Variants in TRIP4 observed in about 807,000 individuals in gnomAD.
The protein encoded by TRIP4 is thyroid hormone receptor interactor 4.
A neutral mutation model predicts 81.8 loss-of-function variants in TRIP4; 54 were observed. The observed-to-expected ratio is 0.66, with a 90% CI of 0.53 to 0.83. The LOEUF is 0.83. TRIP4 is among the 40% of genes least tolerant of loss of function. The pLI is 0.00. For missense variants in TRIP4, 662 were observed against 683.6 expected (o/e 0.97, Z 0.35); for synonymous variants, 270 against 242.8 (o/e 1.11, Z -1.04).
intron 4 of TRIP4, among the ~76,000 whole-genome samples, chr15:64,398,091 C>T (rs1327776004): frequency 3.9e-5 from 6 of 151,964 alleles, no homozygotes; most frequent in Admixed American, 3.3e-4. Flanking sequence ...TTATTAGAGA[C>T]GGGATTTTAC....
At position 64,394,090 on chromosome 15, in the gene TRIP4, T is replaced by C; in HGVS notation, c.246T>C (p.Pro82=). 6.2e-7 allele frequency: 1 copy of C among 1,600,492 alleles called. No homozygotes were observed. Among genetic ancestry groups the C allele is most frequent in the Non-Finnish European group, 8.5e-7 (1 of 1,173,942 alleles). The change falls in exon 2 of 13, where the codon CCT becomes CCC. Residue 82 remains proline, a synonymous_variant. Transcript: ENST00000261884. ...QKNDQELISD[P]LQQCFKKDEI... ...ATGATCAGGAGTTGATTTCGGATCCTTTGCAGCAGTGCTTCAAAAAAGATG... is the reference window on the plus strand; with the variant it reads ...ATGATCAGGAGTTGATTTCGGATCCCTTGCAGCAGTGCTTCAAAAAAGATG...
intron 1 of TRIP4, chr15:64,393,264 C>T (rs943954166): frequency 2.0e-5 from 3 of 151,182 alleles, no homozygotes; most frequent in Non-Finnish European, 4.4e-5. Flanking sequence ...ATTCTCCTGC[C>T]TCAGCCTCCC....
At chr15:64,436,390 A>C (rs1257875106) in intron 11 of TRIP4, among the ~76,000 whole-genome samples, 2 of 151,724 alleles carry the variant, frequency 1.3e-5, no homozygotes, top group East Asian at 3.9e-4. Flanking sequence ...TCAGGAGTTC[A>C]AGACCAGCCT....
In TRIP4 at chr15:64,394,025, G is replaced by C; in HGVS notation, c.181G>C (p.Gly61Arg). 1 of 1,611,816 alleles carries C rather than the reference G, an allele frequency of 6.2e-7. No individual in the cohort carries two copies. Among genetic ancestry groups the C allele is most frequent in the Non-Finnish European group, 8.5e-7 (1 of 1,178,932 alleles). ...DLLQGNEGKKGQFIEELITKW... is the reference protein window; with the variant it reads ...DLLQGNEGKKRQFIEELITKW... Reference sequence around the variant, plus strand: ...CCTCCAGGGAAATGAAGGCAAAAAAGGTCAATTCATAGAAGAACTTATAAC... The same window carrying C: ...CCTCCAGGGAAATGAAGGCAAAAAACGTCAATTCATAGAAGAACTTATAAC... The change falls in exon 2 of 13, where the codon GGT becomes CGT. Residue 61 changes from glycine (G) to arginine (R), a missense_variant. Gly to Arg is a moderately radical substitution (Grantham distance 125). Coordinates refer to ENST00000261884, the MANE Select transcript of TRIP4 (RefSeq NM_016213.5).
intron 4 of TRIP4, among the ~76,000 whole-genome samples, chr15:64,398,698 CA>C (rs1302587348): frequency 1.3e-5 from 2 of 152,100 alleles, no homozygotes; most frequent in African/African-American, 4.8e-5. Context: ...ATCCTCAGAT[CA>C]TTATAGCTTC....
intron 12 of TRIP4, among the ~76,000 whole-genome samples, chr15:64,454,400 A>T (rs1566989010): frequency 6.6e-6 from 1 of 152,142 alleles, no homozygotes; most frequent in Non-Finnish European, 1.5e-5. Context: ...GTCACCTGGG[A>T]TGGGAAGGTT....
At chr15:64,390,996 G>C (rs923793229) in intron 1 of TRIP4, among the ~76,000 whole-genome samples, 1 of 152,114 alleles carries the variant, frequency 6.6e-6, no homozygotes, top group Non-Finnish European at 1.5e-5. Context: ...GTATTCACTA[G>C]TATTCCACAA....
At chr15:64,439,111 G>A (rs1199811015) in intron 11 of TRIP4, among the ~76,000 whole-genome samples, 1 of 152,186 alleles carries the variant, frequency 6.6e-6, no homozygotes, top group East Asian at 1.9e-4. Context: ...TCTGGTCAAA[G>A]TATTATGATC....
At position 64,395,427 on chromosome 15, in the gene TRIP4, C is replaced by T. The variant is rs1177311950; in HGVS notation, c.301C>T (p.His101Tyr). 2 of 1,611,712 alleles carry T rather than the reference C, an allele frequency of 1.2e-6. No individual in the cohort carries two copies. Among genetic ancestry groups the T allele is most frequent in the Non-Finnish European group, 8.5e-7 (1 of 1,179,194 alleles). The change falls in exon 3 of 13, where the codon CAT becomes TAT. Residue 101 changes from histidine (H) to tyrosine (Y), a missense_variant. Coordinates refer to ENST00000261884, the MANE Select transcript of TRIP4 (RefSeq NM_016213.5). ...TTTAGATGGGCAGAAATCAGGCGAC[C>T]ATCTAAAGCGGGGTAGGAAGAAAGG... ...EILDGQKSGD[H>Y]LKRGRKKGRN... is the part of the protein sequence containing the mutation.
At chr15:64,429,173 C>A (rs924293936) in intron 11 of TRIP4, among the ~76,000 whole-genome samples, 5 of 151,694 alleles carry the variant, frequency 3.3e-5, no homozygotes, top group African/African-American at 1.2e-4. Flanking sequence ...AAAAATTAGC[C>A]AGGCGTGGTG....
At chr15:64,413,300 C>T (rs1891811370) in intron 7 of TRIP4, among the ~76,000 whole-genome samples, 1 of 151,862 alleles carries the variant, frequency 6.6e-6, no homozygotes, top group East Asian at 2.0e-4. Context: ...CCCATCTCAT[C>T]CTCCCAAGTA....
At chr15:64,418,489 C>T (rs923131343) in intron 8 of TRIP4, 52 bp from the exon 9 acceptor site, 10 of 1,507,496 alleles carry the variant, frequency 6.6e-6, no homozygotes, top group Admixed American at 4.3e-5. Context: ...TGTCTACCTA[C>T]CCCAGATTCT....
chr15:64,445,997 G>A (rs897515011), intron 12 of TRIP4, among the ~76,000 whole-genome samples: 1 of 152,144 alleles, frequency 6.6e-6, no homozygotes, highest in African/African-American at 2.4e-5. Flanking sequence ...TAAGGGCTGG[G>A]CATGGTGGCT....
chr15:64,406,478 A>C lies in TRIP4; in HGVS notation c.827+19A>C. The C allele has an allele frequency of 6.2e-7, 1 of 1,608,618 alleles. No individual in the cohort carries two copies. The highest frequency in any genetic ancestry group is 1.3e-5 in the African/African-American group (1 of 74,870). On this transcript the variant is annotated intron_variant, in intron 6 of 12. Coordinates refer to ENST00000261884, the MANE Select transcript of TRIP4 (RefSeq NM_016213.5). The stretch of plus-strand genomic sequence containing the variant: ...GAACTAGGTATGAAAGGGTTAGAAT[A>C]ACAAATGCTAAGAAATAAACTAGTC...
chr15:64,434,045 A>G lies in TRIP4; in HGVS notation c.1575+8414A>G, dbSNP rs1333267398. Among the ~76,000 whole-genome samples the G allele has an allele frequency of 3.3e-5, 5 of 152,158 alleles. No homozygotes were observed. In the East Asian group the frequency reaches 9.6e-4, roughly 29 times the overall value. On this transcript the variant is annotated intron_variant, in intron 11 of 12. Transcript: ENST00000261884. ...TGGTATAGAGGAATAAGCAGCAAAC[A>G]AAAAATGAAATGGGGAGTCTCTCTG...
intron 1 of TRIP4, chr15:64,388,167 C>A: frequency 3.1e-6 from 3 of 957,932 alleles, no homozygotes; most frequent in Non-Finnish European, 4.1e-6. Flanking sequence ...GTCTGCCGGT[C>A]GGGCTTTTTT....
intron 11 of TRIP4, among the ~76,000 whole-genome samples, chr15:64,439,977 C>G (rs1299683705): frequency 6.6e-6 from 1 of 152,014 alleles, no homozygotes; most frequent in Non-Finnish European, 1.5e-5. Flanking sequence ...TGAAAATGCC[C>G]ATTTTCCACT....
At chr15:64,403,269 G>T (rs1370891124) in intron 5 of TRIP4, among the ~76,000 whole-genome samples, 1 of 152,130 alleles carries the variant, frequency 6.6e-6, no homozygotes, top group Non-Finnish European at 1.5e-5. Flanking sequence ...CGATTCTCCT[G>T]CCTCAGCCTG....
chr15:64,402,509 C>T (rs893258506), intron 5 of TRIP4, among the ~76,000 whole-genome samples: 9 of 151,124 alleles, frequency 6.0e-5, no homozygotes, highest in South Asian at 2.1e-4. Flanking sequence ...TGTGAGCCAC[C>T]GCGCCCGGCC....
Sources: allele counts gnomAD v4.1 joint callset (sites outside exome capture counted in the v4.1 genomes callset), GRCh38; gene constraint gnomAD v4.1.1; transcripts MANE v1.5; gene names NCBI Gene and HGNC (gene_info 2026-07-23, HGNC 2026-07-21).